SSBP3: variants seen among roughly 807,000 people sequenced by gnomAD.
SSBP3 encodes the protein single-stranded DNA-binding protein 3.
SSBP3 carries 5 observed loss-of-function variants against 69.6 expected under a neutral mutation model. The observed-to-expected ratio is 0.07, with a 90% confidence interval of 0.04 to 0.15. The LOEUF (loss-of-function observed/expected upper bound fraction) is 0.15, where lower values mean the gene tolerates loss of function less well. Among genes scored for constraint, SSBP3 ranks in the 10% least tolerant of loss-of-function variants. The pLI, the probability that SSBP3 is intolerant of heterozygous loss-of-function variation, is 1.00. For synonymous variants in SSBP3, 196 were observed against 193.4 expected (o/e 1.01, Z -0.11); for missense variants, 312 against 534.0 (o/e 0.58, Z 4.10).
chr1:54,406,145 T>C (rs1288824676), exon 1 of SSBP3: 3 of 563,498 alleles, frequency 5.3e-6, no homozygotes, highest in Non-Finnish European at 8.2e-6. Flanking sequence ...GGCGCTCTCC[T>C]CGCCGCGCTC....
At chr1:54,368,223 G>A (rs565470814) in intron 4 of SSBP3, among the ~76,000 whole-genome samples, 8 of 151,044 alleles carry the variant, frequency 5.3e-5, no homozygotes, top group South Asian at 2.1e-4. Context: ...GCATGAACCC[G>A]GGAGGCGGAG....
rs1570079836 is a variant in SSBP3, at chr1:54,405,384, C to G, written c.57-454G>C. The G allele has an allele frequency of 4.6e-5, 8 of 174,810 alleles. No homozygotes were observed. In the South Asian group the frequency reaches 1.1e-3, roughly 24 times the overall value. The allele number at this position is 174,810 out of a possible 1,614,324, so 10.8% of individuals were successfully genotyped here. A position where few individuals can be genotyped will look rare whatever the true frequency, so the allele number is the denominator to read the frequency against. On this transcript the variant is annotated intron_variant, in intron 1 of 17. Transcript: ENST00000610401. ...CGTCACCTCCCCCCAAACAACTGTG[C>G]CCCAAGCCTGGGGCCAAGCCGGCAC...
chr1:54,230,014 A>G (rs1644354729), intron 14 of SSBP3, among the ~76,000 whole-genome samples: 1 of 152,258 alleles, frequency 6.6e-6, no homozygotes, highest in South Asian at 2.1e-4. Context: ...AAATCTGGGC[A>G]GGCAGAGCCC....
At chr1:54,398,546 A>G (rs1312860698) in intron 4 of SSBP3, among the ~76,000 whole-genome samples, 1 of 152,200 alleles carries the variant, frequency 6.6e-6, no homozygotes, top group African/African-American at 2.4e-5. Context: ...AGTTAGAGAC[A>G]CTCATGCAGC....
At chr1:54,226,982 G>A (rs1644294813) in exon 18 of SSBP3, 2 of 758,270 alleles carry the variant, frequency 2.6e-6, no homozygotes, top group East Asian at 2.5e-5. Flanking sequence ...GGAAAGGTAG[G>A]GGGCGTGGAT....
At chr1:54,345,660 G>A (rs960289166) in intron 4 of SSBP3, among the ~76,000 whole-genome samples, 1 of 152,156 alleles carries the variant, frequency 6.6e-6, no homozygotes, top group East Asian at 1.9e-4. Context: ...CAAACGCCAA[G>A]CAAAGTCTCT....
intron 4 of SSBP3, among the ~76,000 whole-genome samples, chr1:54,344,722 G>T (rs1569878568): frequency 6.6e-6 from 1 of 152,206 alleles, no homozygotes; most frequent in East Asian, 1.9e-4. Flanking sequence ...TAGCAACAGA[G>T]AACAGGTTCT....
chr1:54,381,902 T>C (rs1428325026), intron 4 of SSBP3, among the ~76,000 whole-genome samples: 1 of 152,264 alleles, frequency 6.6e-6, no homozygotes, highest in Non-Finnish European at 1.5e-5. Context: ...TATTTTAAGA[T>C]GTGCAGTTAG....
chr1:54,397,163 T>G (rs1278600623), intron 4 of SSBP3, among the ~76,000 whole-genome samples: 1 of 152,224 alleles, frequency 6.6e-6, no homozygotes, highest in Non-Finnish European at 1.5e-5. Flanking sequence ...CCAGGACCTC[T>G]GGGCAGATAG....
intron 14 of SSBP3, chr1:54,238,877 CCAG>C (rs1644550675): frequency 4.9e-6 from 2 of 410,456 alleles, no homozygotes; most frequent in Non-Finnish European, 9.4e-6. Flanking sequence ...GTGGCAAGTC[CCAG>C]CAGCACAGCG....
At chr1:54,268,699 C>A (rs1326947441) in intron 5 of SSBP3, among the ~76,000 whole-genome samples, 3 of 152,188 alleles carry the variant, frequency 2.0e-5, no homozygotes, top group Non-Finnish European at 4.4e-5. Flanking sequence ...CCCTGAGGAG[C>A]TTGGGGAATG....
chr1:54,357,326 C>G (rs538404015), intron 4 of SSBP3, among the ~76,000 whole-genome samples: 7 of 152,228 alleles, frequency 4.6e-5, no homozygotes, highest in African/African-American at 1.7e-4. Flanking sequence ...TCCACACCCC[C>G]ACTCCTGACA....
At chr1:54,407,405 G>A, upstream of SSBP3, among the ~76,000 whole-genome samples, 1 of 151,906 alleles carries the variant, frequency 6.6e-6, no homozygotes, top group Non-Finnish European at 1.5e-5. Context: ...TAGGGGGAGG[G>A]GAAGCTTCCA....
intron 5 of SSBP3, among the ~76,000 whole-genome samples, chr1:54,267,390 TG>T (rs1645120714): frequency 6.6e-6 from 1 of 152,158 alleles, no homozygotes; most frequent in African/African-American, 2.4e-5. Flanking sequence ...CGGAGACACG[TG>T]AACAAGCAGT....
At chr1:54,401,979 CTAAT>C in intron 3 of SSBP3, 34 bp from the exon 4 acceptor site, 3 of 1,585,634 alleles carry the variant, frequency 1.9e-6, no homozygotes, top group Non-Finnish European at 2.6e-6. Flanking sequence ...GGTCAGGTTA[CTAAT>C]TATTACTTGT....
At chr1:54,398,822 C>T (rs567622722) in intron 4 of SSBP3, among the ~76,000 whole-genome samples, 1 of 152,268 alleles carries the variant, frequency 6.6e-6, no homozygotes, top group East Asian at 1.9e-4. Flanking sequence ...CCAATGCTCC[C>T]GTTGCCCCTG....
chr1:54,239,626 G>C (rs1188749402), intron 13 of SSBP3, among the ~76,000 whole-genome samples: 1 of 152,228 alleles, frequency 6.6e-6, no homozygotes, highest in South Asian at 2.1e-4. Context: ...CACCCTGCCA[G>C]GCTGATGGGG....
rs1371164705 is a variant in SSBP3, at chr1:54,289,019, CCAAAAAAAAAAAAAAAA to C, written c.277-7509_277-7493del. ...TGGGCGACAGAGCTAGACTCTGTCT[CCAAAAAAAAAAAAAAAA>C]CAAAAAAACAAAAAAAAAAAACAGT... On this transcript the variant is annotated intron_variant, in intron 4 of 17. Coordinates refer to ENST00000610401, the Ensembl canonical transcript of SSBP3. Among the ~76,000 whole-genome samples, 10 of 40,442 alleles carry C rather than the reference CCAAAAAAAAAAAAAAAA, an allele frequency of 2.5e-4. No homozygotes were observed. The Admixed American group carries it at 4.1e-3, about 16-fold the overall frequency. The allele number at this position is 40,442 out of a possible 152,430, so 26.5% of individuals were successfully genotyped here.
chr1:54,403,793 C>T (rs1381472755), intron 3 of SSBP3, among the ~76,000 whole-genome samples: 1 of 152,088 alleles, frequency 6.6e-6, no homozygotes, highest in Non-Finnish European at 1.5e-5. Context: ...TCCCACAAAA[C>T]ACCCGGGTCA....
Sources: gnomAD v4.1 joint callset for allele counts (sites outside exome capture counted in the v4.1 genomes callset) on GRCh38, gnomAD v4.1.1 for gene constraint, MANE v1.5 for transcripts, NCBI Gene and HGNC (gene_info 2026-07-23, HGNC 2026-07-21) for gene names.